Variants in PRMT8 observed in about 807,000 individuals in gnomAD.
PRMT8 encodes the protein protein arginine N-methyltransferase 8.
PRMT8 carries 7 observed loss-of-function variants against 47.1 expected under a neutral mutation model. The observed-to-expected ratio is 0.15, with a 90% CI of 0.08 to 0.28. The LOEUF is 0.28. Ranked by LOEUF, PRMT8 falls within the 10% of genes least tolerant of loss-of-function variation. PRMT8 has a pLI of 1.00. For missense variants in PRMT8, 237 were observed against 505.4 expected (o/e 0.47, Z 5.09); for synonymous variants, 188 against 186.5 (o/e 1.01, Z -0.07).
At position 3,550,878 on chromosome 12, in the gene PRMT8, C is replaced by A. The variant is rs1299592070; in HGVS notation, c.417+787C>A. 1.3e-5 allele frequency: 2 copies of A among 152,244 alleles called. No homozygotes were observed. The highest frequency in any genetic ancestry group is 4.8e-5 in the African/African-American group (2 of 41,446). The allele number at this position is 152,244 out of a possible 1,614,324, so 9.4% of individuals were successfully genotyped here. ...AAAAAGAAGAGCTGCGAGATGCTGG[C>A]TGATATTTGAAAAATGCAGTGGGCC... is the stretch of plus-strand genomic sequence containing the variant. On this transcript the variant is annotated intron_variant, in intron 3 of 9. Transcript: ENST00000382622. This position sits in a 1 kb window ranked among gnomAD's most constrained non-coding sequence, Gnocchi z 5.1.
At chr12:3,581,806 A>G (rs1015903494) in intron 7 of PRMT8, among the ~76,000 whole-genome samples, 1 of 152,152 alleles carries the variant, frequency 6.6e-6, no homozygotes. Context: ...CTCTGATCTC[A>G]TTGGTTCCCT....
chr12:3,511,759 C>A (rs11610199), intron 1 of PRMT8, among the ~76,000 whole-genome samples: 22,167 of 152,090 alleles, frequency 0.15, 1,768 homozygotes, highest in Non-Finnish European at 0.16. Context: ...TGATGCATAA[C>A]CTTACATAGG....
chr12:3,507,613 G>A (rs114674253), intron 1 of PRMT8, among the ~76,000 whole-genome samples: 1,899 of 151,936 alleles, frequency 0.012, 37 homozygotes, highest in African/African-American at 0.041. Flanking sequence ...ATTAAGGCAT[G>A]TTCTCTATTA....
chr12:3,471,033 G>C (rs1336395402), intron 1 of PRMT8, among the ~76,000 whole-genome samples: 2 of 152,290 alleles, frequency 1.3e-5, no homozygotes, highest in South Asian at 4.2e-4. Flanking sequence ...CGTGTCTAAA[G>C]CTCTAGGGGC....
At chr12:3,449,688 T>C (rs985897396) in intron 1 of PRMT8, among the ~76,000 whole-genome samples, 1 of 152,220 alleles carries the variant, frequency 6.6e-6, no homozygotes, top group Non-Finnish European at 1.5e-5. Context: ...ATGAGATCTG[T>C]TCACTCTGAT....
chr12:3,568,999 T>C (rs1866790825), intron 5 of PRMT8, 151 bp downstream of exon 5: 1 of 1,093,786 alleles, frequency 9.1e-7, no homozygotes, highest in Non-Finnish European at 1.3e-6. Context: ...AGCAGATCTG[T>C]ATCAGGGAAC....
chr12:3,505,704 G>A (rs1192110643), intron 1 of PRMT8, among the ~76,000 whole-genome samples: 1 of 152,182 alleles, frequency 6.6e-6, no homozygotes, highest in Non-Finnish European at 1.5e-5. Context: ...AGCAGAGCTG[G>A]AATGCTCTCT....
At chr12:3,507,751 TCTC>T (rs1361059522) in intron 1 of PRMT8, among the ~76,000 whole-genome samples, 1 of 150,888 alleles carries the variant, frequency 6.6e-6, no homozygotes, top group Non-Finnish European at 1.5e-5. Context: ...TTCTTTTTCT[TCTC>T]CTTCTTTTTT....
intron 1 of PRMT8, among the ~76,000 whole-genome samples, chr12:3,416,533 G>A (rs1323006493): frequency 6.6e-6 from 1 of 152,242 alleles, no homozygotes; most frequent in Non-Finnish European, 1.5e-5. Flanking sequence ...CACTTGTGGA[G>A]TCACTGGTGG....
At chr12:3,473,901 G>C (rs748795129) in intron 1 of PRMT8, among the ~76,000 whole-genome samples, 1 of 151,878 alleles carries the variant, frequency 6.6e-6, no homozygotes, top group African/African-American at 2.4e-5. Flanking sequence ...TCATTGTCCC[G>C]TCTGCCCACC....
At chr12:3,582,975 T>G in intron 7 of PRMT8, 83 bp from the exon 8 acceptor site, 1 of 1,502,222 alleles carries the variant, frequency 6.7e-7, no homozygotes. Context: ...GACCACAGTC[T>G]CTCACAGAAC....
In PRMT8 at chr12:3,496,214, A is replaced by ATATTTTTT; in HGVS notation, c.75+4515_75+4516insATTTTTTT. 2.4e-3 allele frequency among the ~76,000 whole-genome samples: 68 copies of ATATTTTTT among 27,758 alleles called. 2 individuals are homozygous for ATATTTTTT. The highest frequency in any genetic ancestry group is 4.0e-3 in the Non-Finnish European group (50 of 12,632). The allele number at this position is 27,758 out of a possible 152,430, so 18.2% of individuals were successfully genotyped here. On this transcript the variant is annotated intron_variant, in intron 1 of 9. Transcript: ENST00000382622. ...TTTGGAAACTGATATATATATATAT[A>ATATTTTTT]TTTTTTTTTTTTTTTTTTTTTTTTT...
intron 8 of PRMT8, among the ~76,000 whole-genome samples, chr12:3,590,793 A>T (rs562923726): frequency 2.0e-5 from 3 of 152,168 alleles, no homozygotes; most frequent in Non-Finnish European, 2.9e-5. Context: ...GAAGCACTAC[A>T]GACATTTGCT....
chr12:3,491,355 G>C lies in PRMT8; in HGVS notation c.-271G>C, dbSNP rs1351558549. ...TTCCCTCGAGCTTAGCCCGCAGCGC[G>C]GGTGGAGAGGGGCGGGGAGGGGGTC... On this transcript the variant is annotated 5_prime_UTR_variant, in exon 1 of 10. Transcript: ENST00000382622. 1 of 1,137,962 alleles carries C rather than the reference G, an allele frequency of 8.8e-7. No homozygotes were observed. Among genetic ancestry groups the C allele is most frequent in the Non-Finnish European group, 1.1e-6 (1 of 927,010 alleles). The allele number at this position is 1,137,962 out of a possible 1,614,324, so 70.5% of individuals were successfully genotyped here. A position where few individuals can be genotyped will look rare whatever the true frequency, so the allele number is the denominator to read the frequency against.
chr12:3,587,898 G>A (rs1034071518), intron 8 of PRMT8, among the ~76,000 whole-genome samples: 5 of 152,332 alleles, frequency 3.3e-5, no homozygotes, highest in Admixed American at 2.0e-4. Context: ...CCAGGCAGAA[G>A]CTGTCACAAA....
intron 1 of PRMT8, among the ~76,000 whole-genome samples, chr12:3,468,568 G>A (rs58467024): frequency 0.03 from 4,581 of 152,290 alleles, 207 homozygotes; most frequent in African/African-American, 0.1. Context: ...GTTAGAGGCT[G>A]CTTTTCTCTT....
intron 1 of PRMT8, among the ~76,000 whole-genome samples, chr12:3,473,322 C>T (rs903848617): frequency 6.6e-6 from 1 of 151,982 alleles, no homozygotes; most frequent in African/African-American, 2.4e-5. Context: ...TCACGGACCT[C>T]CAGGCTTCTC....
At chr12:3,396,534 A>G (rs1371514239) in intron 1 of PRMT8, among the ~76,000 whole-genome samples, 1 of 152,212 alleles carries the variant, frequency 6.6e-6, no homozygotes, top group Non-Finnish European at 1.5e-5. Context: ...AACGTTGAAT[A>G]TTGGCCCTCA....
At chr12:3,495,629 TTG>T (rs1157540524) in intron 1 of PRMT8, among the ~76,000 whole-genome samples, 1 of 152,238 alleles carries the variant, frequency 6.6e-6, no homozygotes, top group Non-Finnish European at 1.5e-5. Flanking sequence ...AATTGGCTTT[TTG>T]TGTGTCTATT....
Sources: gnomAD v4.1 joint callset for allele counts (sites outside exome capture counted in the v4.1 genomes callset) on GRCh38, gnomAD v4.1.1 for gene constraint, Gnocchi (gnomAD v3.1) non-coding constraint, MANE v1.5 for transcripts, NCBI Gene and HGNC (gene_info 2026-07-23, HGNC 2026-07-21) for gene names.